NIBAN2: variants seen among roughly 807,000 people sequenced by gnomAD.
The protein encoded by NIBAN2 is niban apoptosis regulator 2.
A neutral mutation model predicts 81.8 loss-of-function variants in NIBAN2; 36 were observed. The ratio of observed to expected loss-of-function variants is 0.44; its 90% CI spans 0.34 to 0.58. The LOEUF is 0.58. Ranked by LOEUF, NIBAN2 falls within the 20% of genes least tolerant of loss-of-function variation. The pLI is 0.02. For synonymous variants in NIBAN2, 445 were observed against 441.6 expected, an observed-to-expected ratio of 1.01 and a Z score of -0.10; for missense variants, 897 against 1,014.1, an observed-to-expected ratio of 0.88 and a Z score of 1.57.
Position 127,527,179 on chromosome 9 carries a change from G to T in NIBAN2, c.315+15C>A. 1.9e-6 allele frequency: 3 copies of T among 1,611,508 alleles called. No homozygotes were observed. The highest frequency in any genetic ancestry group is 1.7e-4 in the Middle Eastern group (1 of 5,884). ...AGCGGGGAGGCTCAGTGTGGCGCCCGGGGCCAGGCCTCACCGCTTTGTTTT... is the reference window on the plus strand; with the variant it reads ...AGCGGGGAGGCTCAGTGTGGCGCCCTGGGCCAGGCCTCACCGCTTTGTTTT... On this transcript the variant is annotated intron_variant, in intron 3 of 13. Coordinates refer to ENST00000373312, the MANE Select transcript of NIBAN2 (RefSeq NM_022833.4).
intron 1 of NIBAN2, among the ~76,000 whole-genome samples, chr9:127,532,323 G>T (rs1480429918): frequency 6.6e-6 from 1 of 152,160 alleles, no homozygotes; most frequent in Non-Finnish European, 1.5e-5. Context: ...AAAGATGGAG[G>T]GGGGCCAGGC....
chr9:127,542,211 G>A (rs1837392525), intron 1 of NIBAN2, among the ~76,000 whole-genome samples: 1 of 152,144 alleles, frequency 6.6e-6, no homozygotes, highest in Non-Finnish European at 1.5e-5. Context: ...CTGGGGTCTC[G>A]CAGAGGCTGC....
chr9:127,516,910 G>T lies in NIBAN2; in HGVS notation c.920C>A (p.Thr307Asn). The change falls in exon 8 of 14, where the codon ACT becomes AAT. Residue 307 changes from threonine (T) to asparagine (N), a missense_variant. Transcript: ENST00000373312. ...VQPAMQAVIR[T>N]DMDQIITSKE... ...GGAGGTGATAATTTGGTCCATGTCA[G>T]TTCGGATGACGGCCTGCATGGCCGG... is the stretch of plus-strand genomic sequence containing the variant. 1 of 1,614,214 alleles carries T rather than the reference G, an allele frequency of 6.2e-7. No individual in the cohort carries two copies. The highest frequency in any genetic ancestry group is 8.5e-7 in the Non-Finnish European group (1 of 1,180,034).
Position 127,508,339 on chromosome 9 carries a change from A to G in NIBAN2, c.1434+83T>C. On this transcript the variant is annotated intron_variant, in intron 11 of 13. Coordinates refer to ENST00000373312, the MANE Select transcript of NIBAN2 (RefSeq NM_022833.4). This position sits in a 1 kb window ranked among gnomAD's most constrained non-coding sequence, Gnocchi z 6.4. ...GACCATGGCGCCTCCTTGCAGGGAC[A>G]GCAATCCTGGTGGTGGCCGGGGATG... 2.9e-6 allele frequency: 4 copies of G among 1,383,576 alleles called. No individual in the cohort carries two copies. The highest frequency in any genetic ancestry group is 1.2e-5 in the South Asian group (1 of 86,150). The allele number at this position is 1,383,576 out of a possible 1,614,324, so 85.7% of individuals were successfully genotyped here. A position where few individuals can be genotyped will look rare whatever the true frequency, so the allele number is the denominator to read the frequency against.
At position 127,507,340 on chromosome 9, in the gene NIBAN2, G is replaced by A. The variant is rs767335418; in HGVS notation, c.1746C>T (p.Ala582=). The stretch of plus-strand genomic sequence containing the variant: ...CGCCCCAGTCGATGGGGGCGCCCTC[G>A]GCCAGCAGGTGCAGGTTGGGGTCGC... ...HNSDPNLHLL[A]EGAPIDWGEE... is the part of the protein sequence containing the mutation. Residue 582 remains alanine (A), a synonymous_variant, in exon 14 of 14, where the codon GCC becomes GCT. Transcript: ENST00000373312. This position sits in a 1 kb window ranked among gnomAD's most constrained non-coding sequence, Gnocchi z 6.8. 9.7e-6 allele frequency: 15 copies of A among 1,551,124 alleles called. No homozygotes were observed. The highest frequency in any genetic ancestry group is 5.8e-5 in the Admixed American group (3 of 52,112).
intron 1 of NIBAN2, among the ~76,000 whole-genome samples, chr9:127,537,183 C>T (rs902102352): frequency 2.6e-5 from 4 of 152,310 alleles, no homozygotes; most frequent in East Asian, 1.9e-4. Flanking sequence ...CCAGAGTCCC[C>T]GCCCTGCCAT....
In NIBAN2 at chr9:127,536,631, C is replaced by T. The variant is rs1182349902; in HGVS notation, c.56-4853G>A. ...CCTGCCGCAGCCTCTGGAGACACCACACGCCACGGATTTGGGGCAGATGTT... is the reference window on the plus strand; with the variant it reads ...CCTGCCGCAGCCTCTGGAGACACCATACGCCACGGATTTGGGGCAGATGTT... On this transcript the variant is annotated intron_variant, in intron 1 of 13. Coordinates refer to ENST00000373312, the MANE Select transcript of NIBAN2 (RefSeq NM_022833.4). This position sits in a 1 kb window ranked among gnomAD's most constrained non-coding sequence, Gnocchi z 4.0. Among the ~76,000 whole-genome samples, 1 of 152,232 alleles carries T rather than the reference C, an allele frequency of 6.6e-6. No homozygotes were observed. Among genetic ancestry groups the T allele is most frequent in the Non-Finnish European group, 1.5e-5 (1 of 68,038 alleles).
Position 127,568,957 on chromosome 9 carries a change from A to AG in NIBAN2, c.-84dup. ...CAGGCGGACGCCGCTGGCGCCATGG[A>AG]GCCCGGCCCGCCCTGCTTCCCCCGC... On this transcript the variant is annotated 5_prime_UTR_variant, in exon 1 of 14. Transcript: ENST00000373312. 2 of 1,164,806 alleles carry AG rather than the reference A, an allele frequency of 1.7e-6. No individual in the cohort carries two copies. Among genetic ancestry groups the AG allele is most frequent in the Non-Finnish European group, 2.1e-6 (2 of 948,806 alleles). The allele number at this position is 1,164,806 out of a possible 1,614,324, so 72.2% of individuals were successfully genotyped here.
chr9:127,549,399 A>T (rs1329174558), intron 1 of NIBAN2, among the ~76,000 whole-genome samples: 1 of 149,436 alleles, frequency 6.7e-6, no homozygotes, highest in East Asian at 1.9e-4. Context: ...ACGCACACAC[A>T]CTCACATGCA....
At chr9:127,550,416 C>T (rs1837555497) in intron 1 of NIBAN2, among the ~76,000 whole-genome samples, 1 of 152,244 alleles carries the variant, frequency 6.6e-6, no homozygotes, top group South Asian at 2.1e-4. Flanking sequence ...GGTCAGACCC[C>T]TGTTAGTCAT....
intron 1 of NIBAN2, among the ~76,000 whole-genome samples, chr9:127,575,306 G>A (rs1389120635): frequency 1.3e-5 from 2 of 150,102 alleles, no homozygotes; most frequent in Non-Finnish European, 1.5e-5. Flanking sequence ...TCGGCTCACT[G>A]CAAACTCAGC....
intron 1 of NIBAN2, among the ~76,000 whole-genome samples, chr9:127,533,803 T>C (rs1837226517): frequency 6.6e-6 from 1 of 152,282 alleles, no homozygotes; most frequent in African/African-American, 2.4e-5. Flanking sequence ...TTTCCTTTTA[T>C]AGCATTTGAA....
At chr9:127,532,853 C>G (rs935546170) in intron 1 of NIBAN2, among the ~76,000 whole-genome samples, 7 of 151,918 alleles carry the variant, frequency 4.6e-5, no homozygotes, top group Non-Finnish European at 8.8e-5. Context: ...AGCAACACAG[C>G]AAGACCTCAT....
chr9:127,551,430 C>T (rs1048310353), intron 1 of NIBAN2, among the ~76,000 whole-genome samples: 7 of 151,694 alleles, frequency 4.6e-5, no homozygotes, highest in East Asian at 1.9e-4. Context: ...GGCTGAGGCA[C>T]GAGAATCGCT....
At chr9:127,571,367 C>T (rs1837943938), upstream of NIBAN2, among the ~76,000 whole-genome samples, 1 of 152,114 alleles carries the variant, frequency 6.6e-6, no homozygotes, top group South Asian at 2.1e-4. Flanking sequence ...TCCATCTGAG[C>T]ATCCATGGCC....
At chr9:127,570,689 A>G (rs577570206), upstream of NIBAN2, among the ~76,000 whole-genome samples, 1 of 152,370 alleles carries the variant, frequency 6.6e-6, no homozygotes, top group South Asian at 2.1e-4. Flanking sequence ...CTGGAAGTTG[A>G]AAAACAAGAC....
At chr9:127,531,619 C>G in intron 2 of NIBAN2, 29 bp downstream of exon 2, 1 of 1,606,110 alleles carries the variant, frequency 6.2e-7, no homozygotes, top group Non-Finnish European at 8.5e-7. Flanking sequence ...AGTAGCAGAA[C>G]ATACCCGAGC....
intron 1 of NIBAN2, among the ~76,000 whole-genome samples, chr9:127,539,685 C>G (rs764234601): frequency 4.6e-5 from 7 of 152,188 alleles, no homozygotes; most frequent in Non-Finnish European, 1.0e-4. Context: ...CAGGAACTGA[C>G]CGGGATGCTG....
intron 5 of NIBAN2, among the ~76,000 whole-genome samples, chr9:127,521,718 G>A (rs964314309): frequency 2.0e-5 from 3 of 152,138 alleles, no homozygotes; most frequent in African/African-American, 7.2e-5. Flanking sequence ...GGGGCCACCC[G>A]GCAGGACACC....
Sources: allele counts gnomAD v4.1 joint callset (sites outside exome capture counted in the v4.1 genomes callset), GRCh38; gene constraint gnomAD v4.1.1; non-coding constraint Gnocchi (gnomAD v3.1); transcripts MANE v1.5; gene names NCBI Gene and HGNC (gene_info 2026-07-23, HGNC 2026-07-21).